The following GAP43 variants were observed in gnomAD, a reference collection of about 807,000 sequenced individuals.
GAP43 encodes growth associated protein 43.
GAP43 carries 6 observed loss-of-function variants against 18.6 expected under a neutral mutation model. The ratio of observed to expected loss-of-function variants is 0.32; its 90% CI spans 0.18 to 0.64. The LOEUF (loss-of-function observed/expected upper bound fraction) is 0.64. GAP43 is among the 30% of genes least tolerant of loss of function. The pLI is 0.78. For missense variants in GAP43, 292 were observed against 295.5 expected (o/e 0.99, Z 0.09); for synonymous variants, 115 against 111.4 (o/e 1.03, Z -0.20).
intron 1 of GAP43, among the ~76,000 whole-genome samples, chr3:115,633,686 T>C (rs1708292827): frequency 6.6e-6 from 1 of 152,174 alleles, no homozygotes; most frequent in Non-Finnish European, 1.5e-5. Flanking sequence ...AGTTTCAGTG[T>C]GGAGATGACA....
intron 2 of GAP43, among the ~76,000 whole-genome samples, chr3:115,704,502 C>T (rs1709336608): frequency 6.6e-6 from 1 of 152,084 alleles, no homozygotes; most frequent in African/African-American, 2.4e-5. Flanking sequence ...TTGAACATAA[C>T]ATGTTAGAAT....
Position 115,635,392 on chromosome 3 carries a change from A to G in GAP43, c.30+11673A>G, listed in dbSNP as rs115518582. Among the ~76,000 whole-genome samples, 515 of 152,258 alleles carry G rather than the reference A, an allele frequency of 3.4e-3. 1 individual carries two copies. The highest frequency in any genetic ancestry group is 0.012 in the African/African-American group (487 of 41,564). ...GTTGGACAATTAACTGGAGAACTGT[A>G]TAGAAAACCTAAGGACAAGAGTTCC... On this transcript the variant is annotated intron_variant, in intron 1 of 2. Transcript: ENST00000305124.
intron 2 of GAP43, among the ~76,000 whole-genome samples, chr3:115,717,986 T>C (rs1246503154): frequency 1.3e-5 from 2 of 152,184 alleles, no homozygotes; most frequent in Non-Finnish European, 2.9e-5. Context: ...CTCAGAACCA[T>C]CTGAATGTTC....
At chr3:115,680,895 C>T (rs1708951488) in intron 2 of GAP43, among the ~76,000 whole-genome samples, 1 of 152,140 alleles carries the variant, frequency 6.6e-6, no homozygotes, top group Non-Finnish European at 1.5e-5. Flanking sequence ...TTTCAGCTTT[C>T]CAAAAGATAG....
chr3:115,639,369 G>A (rs1708369190), intron 1 of GAP43, among the ~76,000 whole-genome samples: 1 of 151,866 alleles, frequency 6.6e-6, no homozygotes, highest in Admixed American at 6.6e-5. Flanking sequence ...CTAAGGATGA[G>A]TACTCACTGT....
intron 1 of GAP43, among the ~76,000 whole-genome samples, chr3:115,652,266 C>G (rs540889041): frequency 6.7e-6 from 1 of 149,864 alleles, no homozygotes; most frequent in African/African-American, 2.4e-5. Context: ...TTTGTTGTTA[C>G]CATATTTAAA....
intron 2 of GAP43, among the ~76,000 whole-genome samples, chr3:115,714,417 G>C (rs1378775612): frequency 6.6e-6 from 1 of 152,040 alleles, no homozygotes; most frequent in Non-Finnish European, 1.5e-5. Context: ...GCAGGTTACA[G>C]CTTTCTATCA....
chr3:115,716,735 T>TG lies in GAP43; in HGVS notation c.629-4059_629-4058insG, dbSNP rs1172703423. On this transcript the variant is annotated intron_variant, in intron 2 of 2. Transcript: ENST00000305124. The stretch of plus-strand genomic sequence containing the variant: ...TCAGACAAATATATATATATATATA[T>TG]ATATATATATATATATATATATATA... 6.7e-5 allele frequency among the ~76,000 whole-genome samples: 7 copies of TG among 103,744 alleles called. 1 individual carries two copies. Among genetic ancestry groups the TG allele is most frequent in the African/African-American group, 3.1e-4 (7 of 22,354 alleles). The allele number at this position is 103,744 out of a possible 152,430, so 68.1% of individuals were successfully genotyped here.
At chr3:115,675,272 A>C (rs565192816) in intron 1 of GAP43, among the ~76,000 whole-genome samples, 27 of 152,118 alleles carry the variant, frequency 1.8e-4, no homozygotes, top group African/African-American at 6.3e-4. Context: ...GGGTCTCACT[A>C]TGTTGCCAGG....
intron 1 of GAP43, among the ~76,000 whole-genome samples, chr3:115,650,495 C>A (rs932609732): frequency 2.6e-5 from 4 of 151,984 alleles, no homozygotes; most frequent in Non-Finnish European, 4.4e-5. Flanking sequence ...CTGTGAGCCC[C>A]CTTTCTTTTC....
chr3:115,649,822 A>AAAAAGAAAG lies in GAP43; in HGVS notation c.30+26106_30+26107insAGAAAGAAA, dbSNP rs375806733. Among the ~76,000 whole-genome samples the AAAAAGAAAG allele has an allele frequency of 9.5e-5, 13 of 137,260 alleles. 1 individual carries two copies. The highest frequency in any genetic ancestry group is 4.8e-4 in the South Asian group (2 of 4,190). The allele number at this position is 137,260 out of a possible 152,430, so 90.0% of individuals were successfully genotyped here. A position where few individuals can be genotyped will look rare whatever the true frequency, so the allele number is the denominator to read the frequency against. On this transcript the variant is annotated intron_variant, in intron 1 of 2. Coordinates refer to ENST00000305124, the MANE Select transcript of GAP43 (RefSeq NM_002045.4). Reference sequence around the variant, plus strand: ...GAGACCCTGTCTCTAAAAAAAAAAAAAAAGAAAGAAAGAAAGAAAAAGAAA... The same window carrying AAAAAGAAAG: ...GAGACCCTGTCTCTAAAAAAAAAAAAAAAAGAAAGAAAGAAAGAAAGAAAGAAAAAGAAA...
At position 115,671,528 on chromosome 3, in the gene GAP43, A is replaced by G. The variant is rs1708815193; in HGVS notation, c.31-4485A>G. On this transcript the variant is annotated intron_variant, in intron 1 of 2. Coordinates refer to ENST00000305124, the MANE Select transcript of GAP43 (RefSeq NM_002045.4). The stretch of plus-strand genomic sequence containing the variant: ...AAATTGCAGAGCTCTCAAACAAATC[A>G]GTCAGTAAAAAATATTAAGCCATAA... Among the ~76,000 whole-genome samples the G allele has an allele frequency of 2.0e-5, 3 of 152,250 alleles. No individual in the cohort carries two copies. The South Asian group carries it at 6.2e-4, about 31-fold the overall frequency.
At chr3:115,705,949 C>T (rs190525627) in intron 2 of GAP43, among the ~76,000 whole-genome samples, 9 of 152,236 alleles carry the variant, frequency 5.9e-5, no homozygotes, top group Admixed American at 3.9e-4. Context: ...AGAAGTATGA[C>T]GTCTCTTTGC....
At chr3:115,718,357 A>G (rs1384713263) in intron 2 of GAP43, among the ~76,000 whole-genome samples, 1 of 152,228 alleles carries the variant, frequency 6.6e-6, no homozygotes, top group Non-Finnish European at 1.5e-5. Flanking sequence ...CTCCAAAAGA[A>G]TTCCTAATTG....
chr3:115,641,510 T>TCACACA (rs376412583), intron 1 of GAP43, among the ~76,000 whole-genome samples: 1,294 of 107,038 alleles, frequency 0.012, 10 homozygotes, highest in Middle Eastern at 0.025. Context: ...ATATATATAT[T>TCACACA]CACACACACA....
intron 2 of GAP43, among the ~76,000 whole-genome samples, chr3:115,694,208 T>C (rs921753356): frequency 6.6e-6 from 1 of 152,140 alleles, no homozygotes; most frequent in Admixed American, 6.5e-5. Context: ...AATCGAAGCA[T>C]AGCTTGTTTT....
At chr3:115,708,789 G>T (rs1434551051) in intron 2 of GAP43, among the ~76,000 whole-genome samples, 1 of 152,112 alleles carries the variant, frequency 6.6e-6, no homozygotes, top group African/African-American at 2.4e-5. Context: ...TGGGGGATGG[G>T]AGCATGGACC....
intron 1 of GAP43, chr3:115,663,813 C>T (rs1327174799): frequency 2.6e-6 from 4 of 1,551,752 alleles, no homozygotes; most frequent in African/African-American, 2.7e-5. Context: ...TGCCACCCCG[C>T]ACTCCACTTT....
Position 115,639,520 on chromosome 3 carries a change from C to T in GAP43, c.30+15801C>T, listed in dbSNP as rs1380298956. Among the ~76,000 whole-genome samples the T allele has an allele frequency of 1.1e-4, 16 of 152,088 alleles. 1 individual carries two copies. The highest frequency in any genetic ancestry group is 1.0e-3 in the Admixed American group (16 of 15,242). ...TCCTGGTGAGGTTTCAGATCTTCCC[C>T]TTTGTCAATAATATAATTTATAGTT... On this transcript the variant is annotated intron_variant, in intron 1 of 2. Coordinates refer to ENST00000305124, the MANE Select transcript of GAP43 (RefSeq NM_002045.4).
Sources: gnomAD v4.1 joint callset for allele counts (sites outside exome capture counted in the v4.1 genomes callset) on GRCh38, gnomAD v4.1.1 for gene constraint, MANE v1.5 for transcripts, NCBI Gene and HGNC (gene_info 2026-07-23, HGNC 2026-07-21) for gene names.